Variants in CNTN4 observed in about 807,000 individuals in gnomAD.
CNTN4 encodes contactin 4.
CNTN4 carries 77 observed loss-of-function variants against 122.5 expected under a neutral mutation model. That is an observed-to-expected ratio of 0.63 (90% confidence interval 0.52 to 0.76). The LOEUF (loss-of-function observed/expected upper bound fraction) is 0.76, where lower values mean the gene tolerates loss of function less well. CNTN4 is among the 30% of genes least tolerant of loss of function. The pLI is 0.00. For missense variants in CNTN4, 1,256 were observed against 1,259.1 expected, an observed-to-expected ratio of 1.00 and a Z score of 0.04; for synonymous variants, 512 against 447.0, an observed-to-expected ratio of 1.15 and a Z score of -1.83.
intron 3 of CNTN4, among the ~76,000 whole-genome samples, chr3:2,354,527 A>G (rs914451173): frequency 2.6e-5 from 4 of 152,192 alleles, no homozygotes; most frequent in Admixed American, 2.0e-4. Context: ...GCGAGACTCC[A>G]TCAGAAAAGA....
chr3:2,124,474 C>A (rs2727909), intron 2 of CNTN4, among the ~76,000 whole-genome samples: 3,637 of 107,614 alleles, frequency 0.034, 46 homozygotes, highest in Admixed American at 0.038. Context: ...ACACACACAC[C>A]CCCTTAAGCA....
At position 2,199,035 on chromosome 3, in the gene CNTN4, G is replaced by T. The variant is rs575554215; in HGVS notation, c.-145+98396G>T. On this transcript the variant is annotated intron_variant, in intron 2 of 24. Transcript: ENST00000418658. ...GTCTTTCTGGGTCATGCAGCCCATG[G>T]CCAAGAGATGTCAGAATACCTACAG... 7.2e-5 allele frequency among the ~76,000 whole-genome samples: 11 copies of T among 152,164 alleles called. 1 individual carries two copies. The highest frequency in any genetic ancestry group is 2.7e-4 in the African/African-American group (11 of 41,450).
At chr3:2,333,032 A>G (rs183729590) in intron 2 of CNTN4, among the ~76,000 whole-genome samples, 46 of 152,260 alleles carry the variant, frequency 3.0e-4, no homozygotes, top group Non-Finnish European at 5.7e-4. Flanking sequence ...GGGATGTCCT[A>G]TAGACTGGAG....
At chr3:2,329,636 G>C (rs1460457228) in intron 2 of CNTN4, among the ~76,000 whole-genome samples, 1 of 152,154 alleles carries the variant, frequency 6.6e-6, no homozygotes, top group African/African-American at 2.4e-5. Context: ...AAAAACTCAA[G>C]TAGAGAAACC....
At chr3:3,004,440 C>T (rs1043237055) in intron 14 of CNTN4, among the ~76,000 whole-genome samples, 6 of 152,256 alleles carry the variant, frequency 3.9e-5, no homozygotes, top group South Asian at 2.1e-4. Flanking sequence ...TCTGTGACAC[C>T]GTACCTGATA....
chr3:2,866,407 C>T, intron 7 of CNTN4: 2 of 1,092,382 alleles, frequency 1.8e-6, no homozygotes, highest in South Asian at 5.1e-5. Context: ...TTATAGGCAC[C>T]CTGGGTCTGT....
At chr3:2,469,161 A>T (rs2075602762) in intron 3 of CNTN4, among the ~76,000 whole-genome samples, 1 of 152,224 alleles carries the variant, frequency 6.6e-6, no homozygotes, top group African/African-American at 2.4e-5. Context: ...AGATGAATTG[A>T]CTAAGTTTCG....
At chr3:2,390,153 A>G (rs1382778016) in intron 3 of CNTN4, among the ~76,000 whole-genome samples, 1 of 151,808 alleles carries the variant, frequency 6.6e-6, no homozygotes, top group Admixed American at 6.6e-5. Flanking sequence ...TATACAATAA[A>G]TTATTTAGGG....
At chr3:2,736,375 T>C in intron 5 of CNTN4, 34 bp downstream of exon 5, 1 of 1,601,234 alleles carries the variant, frequency 6.2e-7, no homozygotes, top group South Asian at 1.1e-5. Flanking sequence ...TTTCCATGCA[T>C]ATAGTTTCTG....
intron 3 of CNTN4, among the ~76,000 whole-genome samples, chr3:2,532,704 AT>A (rs1410072031): frequency 2.0e-5 from 3 of 152,208 alleles, no homozygotes; most frequent in African/African-American, 7.2e-5. Context: ...GTAAATATTC[AT>A]TTAAAAACAA....
At chr3:2,298,702 C>G (rs528435257) in intron 2 of CNTN4, among the ~76,000 whole-genome samples, 6 of 152,246 alleles carry the variant, frequency 3.9e-5, no homozygotes, top group Non-Finnish European at 8.8e-5. Context: ...AATATATATT[C>G]TATAGTTTAC....
intron 3 of CNTN4, among the ~76,000 whole-genome samples, chr3:2,424,589 G>C (rs1438540844): frequency 6.6e-6 from 1 of 152,154 alleles, no homozygotes; most frequent in Admixed American, 6.5e-5. Context: ...CCAGTAATGG[G>C]ATGACTGGAT....
rs1559821853 is a variant in CNTN4 at position 3,040,025 on chromosome 3, C to G, written c.2164-12C>G. On this transcript the variant is annotated splice_polypyrimidine_tract_variant and intron_variant, in intron 19 of 24. Transcript: ENST00000418658. ...ACTGTGATTTCTGAAGACCACCTTC[C>G]TTCTTTCCCAGACGGTCCCTGAGGA... is the stretch of plus-strand genomic sequence containing the variant. 1 of 1,584,132 alleles carries G rather than the reference C, an allele frequency of 6.3e-7. No homozygotes were observed. The highest frequency in any genetic ancestry group is 8.7e-7 in the Non-Finnish European group (1 of 1,152,428).
intron 4 of CNTN4, among the ~76,000 whole-genome samples, chr3:2,596,414 A>C (rs2080773887): frequency 6.6e-6 from 1 of 152,190 alleles, no homozygotes; most frequent in African/African-American, 2.4e-5. Context: ...TTTCATTTAG[A>C]TAAAGATGAT....
chr3:2,445,907 T>A (rs2048609327), intron 3 of CNTN4, among the ~76,000 whole-genome samples: 1 of 152,130 alleles, frequency 6.6e-6, no homozygotes, highest in Non-Finnish European at 1.5e-5. Context: ...ATTGTCTGCA[T>A]GTTCTGCCCT....
intron 4 of CNTN4, among the ~76,000 whole-genome samples, chr3:2,688,425 A>G (rs1437854687): frequency 6.6e-6 from 1 of 152,238 alleles, no homozygotes; most frequent in East Asian, 1.9e-4. Context: ...CACAAGCTGT[A>G]TTTTATCACT....
Position 2,995,386 on chromosome 3 carries a change from C to T in CNTN4, c.1486+6914C>T, listed in dbSNP as rs193198168. On this transcript the variant is annotated intron_variant, in intron 14 of 24. Coordinates refer to ENST00000418658, the MANE Select transcript of CNTN4 (RefSeq NM_175607.3). ...GATATCAATCATGAGTAGAATGATTCCCCTTTTGTCCAAATCTCTCTGTAA... is the reference window on the plus strand; with the variant it reads ...GATATCAATCATGAGTAGAATGATTTCCCTTTTGTCCAAATCTCTCTGTAA... Among the ~76,000 whole-genome samples, 98 of 152,252 alleles carry T rather than the reference C, an allele frequency of 6.4e-4. 1 individual carries two copies. Among genetic ancestry groups the T allele is most frequent in the Admixed American group, 1.9e-3 (29 of 15,300 alleles).
chr3:2,388,987 G>A (rs916769350), intron 3 of CNTN4, among the ~76,000 whole-genome samples: 94 of 151,770 alleles, frequency 6.2e-4, no homozygotes, highest in African/African-American at 2.2e-3. Context: ...GTGAAACCCT[G>A]TCTCTGCTAA....
intron 2 of CNTN4, among the ~76,000 whole-genome samples, chr3:2,317,668 A>G (rs929004666): frequency 3.4e-4 from 52 of 152,228 alleles, no homozygotes; most frequent in Admixed American, 1.9e-3. Context: ...TAATCTGTCA[A>G]TTTTTCTCAC....
Sources: gnomAD v4.1 joint callset for allele counts (sites outside exome capture counted in the v4.1 genomes callset) on GRCh38, gnomAD v4.1.1 for gene constraint, MANE v1.5 for transcripts, NCBI Gene and HGNC (gene_info 2026-07-23, HGNC 2026-07-21) for gene names.